DPP10: variants seen among roughly 807,000 people sequenced by gnomAD.
DPP10 encodes the protein inactive dipeptidyl peptidase 10.
In DPP10, 33 loss-of-function variants were observed where a neutral mutation model predicts 120.9. That is an observed-to-expected ratio of 0.27 (90% CI 0.21 to 0.37). The LOEUF (loss-of-function observed/expected upper bound fraction) is 0.37. DPP10 is among the 10% of genes least tolerant of loss of function. The pLI is 1.00. For missense variants in DPP10, 816 were observed against 942.8 expected, an observed-to-expected ratio of 0.87 and a Z score of 1.76; for synonymous variants, 337 against 326.1, an observed-to-expected ratio of 1.03 and a Z score of -0.36.
intron 1 of DPP10, among the ~76,000 whole-genome samples, chr2:115,171,368 AAAAAAAGAAAAG>A (rs1487995006): frequency 2.0e-5 from 3 of 151,648 alleles, no homozygotes; most frequent in African/African-American, 7.3e-5. Flanking sequence ...CAAAAAAAAA[AAAAAAAGAAAAG>A]AAAAGAAAAG....
At chr2:114,857,666 A>G (rs994414247) in intron 1 of DPP10, among the ~76,000 whole-genome samples, 4 of 152,212 alleles carry the variant, frequency 2.6e-5, no homozygotes, top group Non-Finnish European at 5.9e-5. Flanking sequence ...TACTACTAGT[A>G]TTTGTGGTTA....
chr2:115,142,628 A>C (rs527389318), intron 1 of DPP10, among the ~76,000 whole-genome samples: 11 of 152,230 alleles, frequency 7.2e-5, no homozygotes, highest in Admixed American at 3.9e-4. Context: ...AAGAGAGGGA[A>C]GCGCTAACTG....
intron 2 of DPP10, among the ~76,000 whole-genome samples, chr2:115,329,306 G>A (rs1406866797): frequency 1.3e-5 from 2 of 151,764 alleles, no homozygotes; most frequent in East Asian, 1.9e-4. Flanking sequence ...GTCCCATTTT[G>A]GAAATATACT....
intron 7 of DPP10, among the ~76,000 whole-genome samples, chr2:115,698,821 C>T (rs1447826003): frequency 6.6e-6 from 1 of 151,854 alleles, no homozygotes; most frequent in Admixed American, 6.6e-5. Flanking sequence ...GATTAAGACA[C>T]TCACATTAGA....
intron 2 of DPP10, among the ~76,000 whole-genome samples, chr2:115,330,222 T>A (rs560198001): frequency 0.017 from 2,576 of 152,294 alleles, 70 homozygotes; most frequent in African/African-American, 0.058. Flanking sequence ...GTCTTTTGGC[T>A]GCATAAATGT....
chr2:115,083,458 A>G lies in DPP10; in HGVS notation c.61-225781A>G, dbSNP rs1418736676. Among the ~76,000 whole-genome samples, 4 of 152,096 alleles carry G rather than the reference A, an allele frequency of 2.6e-5. No homozygotes were observed. In the East Asian group the frequency reaches 7.7e-4, roughly 29 times the overall value. On this transcript the variant is annotated intron_variant, in intron 1 of 25. Transcript: ENST00000410059. ...TTCCTCTATTTCACATAGTATCACAACTAGTCACCCAGCAACCTACTAGAG... is the reference window on the plus strand; with the variant it reads ...TTCCTCTATTTCACATAGTATCACAGCTAGTCACCCAGCAACCTACTAGAG...
At chr2:114,547,561 C>G (rs1687521823) in intron 1 of DPP10, among the ~76,000 whole-genome samples, 1 of 152,120 alleles carries the variant, frequency 6.6e-6, no homozygotes, top group Middle Eastern at 3.4e-3. Flanking sequence ...TGTTCCTTAG[C>G]CATTTGATTT....
chr2:115,286,377 T>C (rs1489108805), intron 1 of DPP10, among the ~76,000 whole-genome samples: 1 of 149,470 alleles, frequency 6.7e-6, no homozygotes, highest in African/African-American at 2.5e-5. Flanking sequence ...TTTTAAGATA[T>C]ACATGTAGAG....
intron 10 of DPP10, among the ~76,000 whole-genome samples, chr2:115,748,887 C>G (rs1575669409): frequency 6.6e-6 from 1 of 152,094 alleles, no homozygotes; most frequent in Non-Finnish European, 1.5e-5. Flanking sequence ...TTATTTATGT[C>G]TGATTCAGCT....
intron 2 of DPP10, among the ~76,000 whole-genome samples, chr2:115,342,435 A>G (rs766961004): frequency 1.3e-5 from 2 of 151,996 alleles, no homozygotes; most frequent in Non-Finnish European, 2.9e-5. Context: ...GCTGGCCTGG[A>G]GCTCCTGTCC....
At chr2:115,030,995 T>C (rs1274686019) in intron 1 of DPP10, among the ~76,000 whole-genome samples, 1 of 152,066 alleles carries the variant, frequency 6.6e-6, no homozygotes, top group Non-Finnish European at 1.5e-5. Flanking sequence ...TCTGGGAATT[T>C]CATTTTTATT....
rs577263047 is a variant in DPP10, at chr2:114,995,408, G to A, written c.61-313831G>A. ...GGTTGAATTGAACCTGTTGAATGCC[G>A]TTATTGTTCCTTTCTCAGAAAAAAA... On this transcript the variant is annotated intron_variant, in intron 1 of 25. Transcript: ENST00000410059. Among the ~76,000 whole-genome samples the A allele has an allele frequency of 1.5e-4, 15 of 98,610 alleles. No individual in the cohort carries two copies. The South Asian group carries it at 4.1e-3, about 27-fold the overall frequency. 64.7% of individuals were successfully genotyped at this position (98,610 alleles called of 152,430 possible).
intron 1 of DPP10, among the ~76,000 whole-genome samples, chr2:114,719,774 G>T (rs549719679): frequency 6.6e-6 from 1 of 152,284 alleles, no homozygotes; most frequent in South Asian, 2.1e-4. Flanking sequence ...ACACAATGGG[G>T]TATAAATGGC....
chr2:115,814,527 G>A (rs1365527490), intron 19 of DPP10: 1 of 246,782 alleles, frequency 4.1e-6, no homozygotes, highest in Admixed American at 5.5e-5. Flanking sequence ...TCCCCATTGA[G>A]AAATGAGCTA....
intron 7 of DPP10, among the ~76,000 whole-genome samples, chr2:115,699,988 T>A (rs1014048833): frequency 6.6e-5 from 10 of 152,140 alleles, no homozygotes; most frequent in Admixed American, 1.3e-4. Flanking sequence ...GTTCTGTAGG[T>A]TGTACAGAAA....
chr2:115,546,585 T>C (rs761256605), intron 5 of DPP10, among the ~76,000 whole-genome samples: 5 of 152,152 alleles, frequency 3.3e-5, no homozygotes, highest in Non-Finnish European at 5.9e-5. Context: ...CTCTTTGGAA[T>C]GAGTTAGATA....
intron 7 of DPP10, among the ~76,000 whole-genome samples, chr2:115,696,799 A>G (rs1179071080): frequency 6.6e-6 from 1 of 150,962 alleles, no homozygotes; most frequent in African/African-American, 2.4e-5. Flanking sequence ...TTTTTAGTCT[A>G]AAAGCTAATA....
At chr2:115,080,236 G>A (rs1034713834) in intron 1 of DPP10, among the ~76,000 whole-genome samples, 6 of 152,044 alleles carry the variant, frequency 3.9e-5, no homozygotes, top group African/African-American at 7.2e-5. Flanking sequence ...CAGGCTGATC[G>A]TGAACTCCTG....
chr2:114,892,699 T>C (rs1165052563), intron 1 of DPP10, among the ~76,000 whole-genome samples: 1 of 152,178 alleles, frequency 6.6e-6, no homozygotes, highest in East Asian at 1.9e-4. Context: ...ATAAGCCCTG[T>C]ACATTGCCTG....
Sources: allele counts gnomAD v4.1 joint callset (sites outside exome capture counted in the v4.1 genomes callset), GRCh38; gene constraint gnomAD v4.1.1; transcripts MANE v1.5; gene names NCBI Gene and HGNC (gene_info 2026-07-23, HGNC 2026-07-21).